Variants in SNX20 observed in about 807,000 individuals in gnomAD.
The protein encoded by SNX20 is sorting nexin 20.
In SNX20, 21 loss-of-function variants were observed where a neutral mutation model predicts 24.5. The ratio of observed to expected loss-of-function variants is 0.86; its 90% CI spans 0.61 to 1.23. The LOEUF is 1.23. SNX20 is among the 50% of genes most tolerant of loss of function. SNX20 has a pLI of 0.00. For missense variants in SNX20, 433 were observed against 430.8 expected (o/e 1.00, Z -0.04); for synonymous variants, 206 against 192.8 (o/e 1.07, Z -0.57).
chr16:50,673,433 C>G lies in SNX20; in HGVS notation c.924G>C (p.Glu308Asp). ...AGTGCAGGTATTCTCGCACAGTGAG[C>G]TCCTTCAGGGTGATGCCTCGGGGCG... ...RPTPRGITLK[E>D]LTVREYLH The change falls in exon 4 of 4, where the codon GAG becomes GAC. Residue 308 changes from glutamate (E) to aspartate (D), a missense_variant. Coordinates refer to ENST00000330943, the MANE Select transcript of SNX20 (RefSeq NM_182854.4). The surrounding 1 kb of genome is among the most constrained non-coding windows in gnomAD (Gnocchi z 4.1). 6.4e-7 allele frequency: 1 copy of G among 1,572,898 alleles called. No homozygotes were observed. The highest frequency in any genetic ancestry group is 8.6e-7 in the Non-Finnish European group (1 of 1,159,904).
chr16:50,667,678 C>A, downstream of SNX20: 1 of 349,750 alleles, frequency 2.9e-6, no homozygotes, highest in East Asian at 5.3e-5. Flanking sequence ...TGTTGGGAGT[C>A]AACTTAGCCC....
Position 50,680,713 on chromosome 16 carries a change from C to T in SNX20, c.-10+477G>A, listed in dbSNP as rs146659370. Among the ~76,000 whole-genome samples the T allele has an allele frequency of 1.1e-4, 16 of 152,298 alleles. No homozygotes were observed. The East Asian group carries it at 3.1e-3, about 29-fold the overall frequency. On this transcript the variant is annotated intron_variant, in intron 1 of 3. Transcript: ENST00000330943. ...GTACCCTCCAACAACTGGACGCTCA[C>T]CTGAGAAGCCTTGCCAAAGCCAGGG...
chr16:50,677,487 C>G lies in SNX20; in HGVS notation c.40G>C (p.Gly14Arg). ...CTTGCCGTGCACTGGGTTATGGGTC[C>G]CATGCAGCCAGGGCTCCCAGGGTGC... ...PEHPGSPGCM[G>R]PITQCTARTQ... Residue 14 changes from glycine (G) to arginine (R), a missense_variant, in exon 2 of 4, where the codon GGA becomes CGA. Physicochemically the swap from Gly to Arg is moderately radical, Grantham distance 125. Coordinates refer to ENST00000330943, the MANE Select transcript of SNX20 (RefSeq NM_182854.4). 1 of 1,606,804 alleles carries G rather than the reference C, an allele frequency of 6.2e-7. No homozygotes were observed. Among genetic ancestry groups the G allele is most frequent in the Non-Finnish European group, 8.5e-7 (1 of 1,176,224 alleles).
intron 3 of SNX20, among the ~76,000 whole-genome samples, 182 bp from the exon 4 acceptor site, chr16:50,674,256 TATTTA>T (rs1567369890): frequency 2.0e-5 from 3 of 149,646 alleles, no homozygotes; most frequent in African/African-American, 7.6e-5. Context: ...TTTATTTATT[TATTTA>T]TTTTTAGAGA....
At chr16:50,670,022 C>G (rs1354733972), downstream of SNX20, 1 of 152,218 alleles carries the variant, frequency 6.6e-6, no homozygotes, top group Non-Finnish European at 1.5e-5. Context: ...AAAGTGGAGA[C>G]CCCAGGACTC....
At chr16:50,669,078 G>C, downstream of SNX20, 3 of 1,551,162 alleles carry the variant, frequency 1.9e-6, no homozygotes, top group Non-Finnish European at 2.6e-6. Flanking sequence ...TCTCGGGTCT[G>C]GTTCTGGTGC....
chr16:50,672,922 A>C lies in SNX20; in HGVS notation c.*484T>G, dbSNP rs1331650235. On this transcript the variant is annotated 3_prime_UTR_variant, in exon 4 of 4. Coordinates refer to ENST00000330943, the MANE Select transcript of SNX20 (RefSeq NM_182854.4). ...AGGGGTCCCAGGAGCACCTCTGTCC[A>C]ATACAGATGGAGAAATTGAGGACCA... is the stretch of plus-strand genomic sequence containing the variant. 6.6e-6 allele frequency: 1 copy of C among 152,330 alleles called. No homozygotes were observed. The highest frequency in any genetic ancestry group is 1.5e-5 in the Non-Finnish European group (1 of 68,210). 9.4% of individuals were successfully genotyped at this position (152,330 alleles called of 1,614,324 possible).
In SNX20 at chr16:50,672,229, A is replaced by G. The variant is rs1196245117; in HGVS notation, c.*1177T>C. ...TCAAAAGGGGCAGTGTTGAGGATTC[A>G]GTCTGTTTTCTGCCCAGAGGCCCCA... On this transcript the variant is annotated 3_prime_UTR_variant, in exon 4 of 4. Coordinates refer to ENST00000330943, the MANE Select transcript of SNX20 (RefSeq NM_182854.4). 1 of 152,234 alleles carries G rather than the reference A, an allele frequency of 6.6e-6. No homozygotes were observed. The highest frequency in any genetic ancestry group is 1.5e-5 in the Non-Finnish European group (1 of 68,044). 9.4% of individuals were successfully genotyped at this position (152,234 alleles called of 1,614,324 possible).
At chr16:50,677,013 C>T (rs1424039702) in intron 2 of SNX20, among the ~76,000 whole-genome samples, 1 of 152,204 alleles carries the variant, frequency 6.6e-6, no homozygotes, top group African/African-American at 2.4e-5. Context: ...AGGAGCGTCC[C>T]TTCTCCTATG....
At chr16:50,668,232 C>T (rs923351769), downstream of SNX20, 23 of 1,438,932 alleles carry the variant, frequency 1.6e-5, no homozygotes, top group Admixed American at 2.8e-5. Context: ...ATCAGCGCTA[C>T]GTGGTGAGAA....
chr16:50,669,130 C>T (rs1301710392), downstream of SNX20: 1 of 1,427,268 alleles, frequency 7.0e-7, no homozygotes, highest in Admixed American at 2.0e-5. Context: ...GTCATCTCTC[C>T]AGGCCTTGAT....
downstream of SNX20, chr16:50,669,933 TG>T (rs922224033): frequency 6.6e-6 from 1 of 152,298 alleles, no homozygotes; most frequent in East Asian, 1.9e-4. Context: ...TTGCAGAGCT[TG>T]TTTTCAATTG....
intron 1 of SNX20, among the ~76,000 whole-genome samples, chr16:50,678,060 T>A (rs1053611020): frequency 6.6e-4 from 100 of 150,860 alleles, no homozygotes; most frequent in African/African-American, 2.4e-3. Flanking sequence ...TAAAAAAAAA[T>A]TATCCAGGAT....
chr16:50,674,591 T>A (rs938161435), intron 3 of SNX20, among the ~76,000 whole-genome samples: 1 of 152,118 alleles, frequency 6.6e-6, no homozygotes, highest in Admixed American at 6.5e-5. Context: ...GAGTCAACCC[T>A]GGAACAACAA....
chr16:50,676,079 G>A (rs543216355), intron 2 of SNX20, among the ~76,000 whole-genome samples, 158 bp from the exon 3 acceptor site: 2 of 152,080 alleles, frequency 1.3e-5, no homozygotes, highest in South Asian at 4.2e-4. Context: ...GGCCCAATTG[G>A]GGCATCAGAC....
rs1390574022 is a variant in SNX20, at chr16:50,673,318, G to GA, written c.*87dup. 1.1e-4 allele frequency: 155 copies of GA among 1,395,704 alleles called. No homozygotes were observed. Among genetic ancestry groups the GA allele is most frequent in the Non-Finnish European group, 1.3e-4 (143 of 1,072,026 alleles). The allele number at this position is 1,395,704 out of a possible 1,614,324, so 86.5% of individuals were successfully genotyped here. On this transcript the variant is annotated 3_prime_UTR_variant, in exon 4 of 4. Transcript: ENST00000330943. This position sits in a 1 kb window ranked among gnomAD's most constrained non-coding sequence, Gnocchi z 4.1. ...TGTCTCAAATAACAAAAAAGAAAAGGAAAAATAAAAAAAAAGAACCCCAAA... is the reference window on the plus strand; with the variant it reads ...TGTCTCAAATAACAAAAAAGAAAAGGAAAAAATAAAAAAAAAGAACCCCAAA...
intron 3 of SNX20, among the ~76,000 whole-genome samples, 151 bp downstream of exon 3, chr16:50,675,602 GTGCTGAGCCTGAAATCT>G (rs1237972891): frequency 7.9e-5 from 12 of 152,262 alleles, no homozygotes; most frequent in African/African-American, 2.9e-4. Context: ...ACCCTAGCAG[GTGCTGAGCCTGAAATCT>G]TGCTCTTTGG....
At position 50,672,650 on chromosome 16, in the gene SNX20, A is replaced by G. The variant is rs970561794; in HGVS notation, c.*756T>C. The G allele has an allele frequency of 6.6e-6, 1 of 152,212 alleles. No homozygotes were observed. The highest frequency in any genetic ancestry group is 2.4e-5 in the African/African-American group (1 of 41,440). 9.4% of individuals were successfully genotyped at this position (152,212 alleles called of 1,614,324 possible). On this transcript the variant is annotated 3_prime_UTR_variant, in exon 4 of 4. Transcript: ENST00000330943. Reference sequence around the variant, plus strand: ...GATAGTATTAGGATAATGGATGGAAATATTTTAAAGCAATTCCAAGGTGGA... The same window carrying G: ...GATAGTATTAGGATAATGGATGGAAGTATTTTAAAGCAATTCCAAGGTGGA...
downstream of SNX20, chr16:50,667,718 C>T (rs1411592449): frequency 2.3e-6 from 1 of 429,888 alleles, no homozygotes; most frequent in Non-Finnish European, 4.2e-6. Flanking sequence ...TTTTGCTGCT[C>T]CAAAACAGAG....
Sources: gnomAD v4.1 joint callset for allele counts (sites outside exome capture counted in the v4.1 genomes callset) on GRCh38, gnomAD v4.1.1 for gene constraint, Gnocchi (gnomAD v3.1) non-coding constraint, MANE v1.5 for transcripts, NCBI Gene and HGNC (gene_info 2026-07-23, HGNC 2026-07-21) for gene names.